The following CYREN variants were observed in gnomAD, a reference collection of about 807,000 sequenced individuals.
The protein encoded by CYREN is cell cycle regulator of non-homologous end joining.
A neutral mutation model predicts 9.7 loss-of-function variants in CYREN; 7 were observed. That is an observed-to-expected ratio of 0.72 (90% CI 0.41 to 1.36). The LOEUF is 1.36. CYREN is among the 40% of genes most tolerant of loss of function. The pLI is 0.01. For missense variants in CYREN, 215 were observed against 198.1 expected, an observed-to-expected ratio of 1.09 and a Z score of -0.51; for synonymous variants, 76 against 77.9, an observed-to-expected ratio of 0.98 and a Z score of 0.13.
intron 2 of CYREN, chr7:135,100,182 G>C (rs1329297237): frequency 6.7e-6 from 1 of 149,388 alleles, no homozygotes; most frequent in African/African-American, 2.5e-5. Context: ...CACTGCACCC[G>C]AGTTTCTCTT....
intron 2 of CYREN, among the ~76,000 whole-genome samples, chr7:135,112,530 T>C (rs1825788190): frequency 6.6e-6 from 1 of 152,234 alleles, no homozygotes; most frequent in Non-Finnish European, 1.5e-5. Flanking sequence ...ACTGTCCTTT[T>C]TTACTTGGCT....
chr7:135,166,950 G>A, intron 3 of CYREN, 79 bp from the exon 4 acceptor site: 5 of 1,549,486 alleles, frequency 3.2e-6, no homozygotes, highest in South Asian at 2.5e-5. Flanking sequence ...AACACAGGAT[G>A]TATCTAGAAG....
chr7:135,169,014 C>T lies in CYREN; in HGVS notation c.-92G>A. On this transcript the variant is annotated 5_prime_UTR_variant, in exon 2 of 4. Transcript: ENST00000393114. Reference sequence around the variant, plus strand: ...GTAAATCTCGTTCTCTCGTCACACCCGGAATTACAGGTCCATTTGTCCTCA... The same window carrying T: ...GTAAATCTCGTTCTCTCGTCACACCTGGAATTACAGGTCCATTTGTCCTCA... 2.4e-6 allele frequency: 3 copies of T among 1,245,346 alleles called. No homozygotes were observed. The highest frequency in any genetic ancestry group is 2.6e-5 in the East Asian group (1 of 38,320). The allele number at this position is 1,245,346 out of a possible 1,614,324, so 77.1% of individuals were successfully genotyped here. A position where few individuals can be genotyped will look rare whatever the true frequency, so the allele number is the denominator to read the frequency against.
intron 2 of CYREN, among the ~76,000 whole-genome samples, chr7:135,153,941 G>C (rs1451820438): frequency 5.3e-5 from 8 of 152,122 alleles, no homozygotes; most frequent in Non-Finnish European, 2.9e-5. Context: ...ATGTTTGGTA[G>C]AATTTGGCTG....
intron 2 of CYREN, chr7:135,115,812 AATTG>A: frequency 2.0e-6 from 1 of 507,340 alleles, no homozygotes; most frequent in Non-Finnish European, 3.5e-6. Flanking sequence ...GGCCTTATTT[AATTG>A]ATTATTTGCA....
intron 2 of CYREN, among the ~76,000 whole-genome samples, chr7:135,095,494 G>A (rs1822531319): frequency 6.6e-6 from 1 of 152,150 alleles, no homozygotes. Flanking sequence ...CCAATTCCTT[G>A]TCAGATTAAT....
At chr7:135,136,814 G>A (rs367633199) in intron 2 of CYREN, among the ~76,000 whole-genome samples, 1 of 151,998 alleles carries the variant, frequency 6.6e-6, no homozygotes, top group Non-Finnish European at 1.5e-5. Context: ...GACCAAAAAA[G>A]GTGATAAACC....
chr7:135,101,606 T>C (rs1823841129), intron 2 of CYREN, among the ~76,000 whole-genome samples: 1 of 152,164 alleles, frequency 6.6e-6, no homozygotes, highest in South Asian at 2.1e-4. Flanking sequence ...TCACTTCTGC[T>C]TCCTAGACAT....
chr7:135,134,386 C>T (rs978984616), intron 2 of CYREN, among the ~76,000 whole-genome samples: 15 of 148,602 alleles, frequency 1.0e-4, no homozygotes, highest in Admixed American at 2.7e-4. Flanking sequence ...AAAGCTCCCC[C>T]GAGGAAAACT....
intron 2 of CYREN, among the ~76,000 whole-genome samples, chr7:135,123,291 A>G (rs954330865): frequency 7.2e-5 from 11 of 152,212 alleles, no homozygotes; most frequent in African/African-American, 2.7e-4. Context: ...AAGAAAGGAT[A>G]TCAGAGTTTG....
At chr7:135,129,371 T>C (rs1828409134) in intron 2 of CYREN, 1 of 888,084 alleles carries the variant, frequency 1.1e-6, no homozygotes, top group African/African-American at 1.6e-5. Flanking sequence ...TGCAAGCAGA[T>C]AAGGCCAATA....
intron 2 of CYREN, chr7:135,135,096 T>C (rs1829281487): frequency 1.3e-6 from 2 of 1,551,212 alleles, no homozygotes; most frequent in Non-Finnish European, 1.7e-6. Flanking sequence ...CTTCAAGCTT[T>C]GGAATGGATG....
intron 2 of CYREN, among the ~76,000 whole-genome samples, chr7:135,119,738 G>A (rs767020836): frequency 3.3e-5 from 5 of 152,170 alleles, no homozygotes; most frequent in South Asian, 2.1e-4. Flanking sequence ...TTAGCTGGGC[G>A]TGGCAGCGGG....
rs560211976 is a variant in CYREN, at chr7:135,159,005, G to A, written n.356+9744C>T. On this transcript the variant is annotated intron_variant and non_coding_transcript_variant, in intron 2 of 2. Coordinates refer to the CYREN transcript ENST00000459937. ...TCAGGCCCAGGCCCTGGCCCAGTGG[G>A]TCGAGGTTTCCTTCCGTGGCCAAGA... Among the ~76,000 whole-genome samples, 3 of 152,342 alleles carry A rather than the reference G, an allele frequency of 2.0e-5. No individual in the cohort carries two copies. The South Asian group carries it at 6.2e-4, about 32-fold the overall frequency.
chr7:135,164,719 T>C (rs1024820494), downstream of CYREN: 21 of 1,614,114 alleles, frequency 1.3e-5, no homozygotes, highest in Non-Finnish European at 1.7e-5. Context: ...TCCCTGGTCC[T>C]CACCCTCTTT....
intron 2 of CYREN, among the ~76,000 whole-genome samples, chr7:135,124,727 A>G (rs1234195599): frequency 6.6e-6 from 1 of 152,208 alleles, no homozygotes; most frequent in African/African-American, 2.4e-5. Flanking sequence ...TCAAATTACA[A>G]CTCAGGATTA....
At chr7:135,118,456 G>A (rs150164781) in intron 2 of CYREN, among the ~76,000 whole-genome samples, 2 of 152,200 alleles carry the variant, frequency 1.3e-5, no homozygotes, top group African/African-American at 4.8e-5. Flanking sequence ...TGGTGTCAAT[G>A]GGGTCCAGAT....
At chr7:135,160,648 A>C (rs1829907578) in intron 2 of CYREN, among the ~76,000 whole-genome samples, 1 of 152,072 alleles carries the variant, frequency 6.6e-6, no homozygotes, top group African/African-American at 2.4e-5. Context: ...ACCCTCCCTC[A>C]GGCAGCTCTG....
At chr7:135,164,077 T>A (rs555695921), downstream of CYREN, among the ~76,000 whole-genome samples, 82 of 152,358 alleles carry the variant, frequency 5.4e-4, no homozygotes, top group African/African-American at 1.9e-3. Flanking sequence ...AAAAAAGATC[T>A]GAGAAATCCC....
Sources: allele counts gnomAD v4.1 joint callset (sites outside exome capture counted in the v4.1 genomes callset), GRCh38; gene constraint gnomAD v4.1.1; transcripts MANE v1.5; gene names NCBI Gene and HGNC (gene_info 2026-07-23, HGNC 2026-07-21).